GATA4: variants seen among roughly 807,000 people sequenced by gnomAD.
The protein encoded by GATA4 is transcription factor GATA-4.
In GATA4, 7 loss-of-function variants were observed where a neutral mutation model predicts 37.9. The ratio of observed to expected loss-of-function variants is 0.18; its 90% CI spans 0.11 to 0.35. The LOEUF is 0.35. GATA4 is among the 10% of genes least tolerant of loss of function. The pLI is 1.00. For synonymous variants in GATA4, 372 were observed against 292.6 expected (o/e 1.27, Z -2.77); for missense variants, 647 against 653.0 (o/e 0.99, Z 0.10).
rs1800058387 is a variant in GATA4, at chr8:11,709,367, T to G, written c.616+439T>G. On this transcript the variant is annotated intron_variant, in intron 2 of 6. Transcript: ENST00000532059. This position sits in a 1 kb window ranked among gnomAD's most constrained non-coding sequence, Gnocchi z 4.3. Reference sequence around the variant, plus strand: ...CCCTCGGGCCTCCGCAGGGAACTGATTACAATGGTTTGGACCGCAGACCTT... The same window carrying G: ...CCCTCGGGCCTCCGCAGGGAACTGAGTACAATGGTTTGGACCGCAGACCTT... Among the ~76,000 whole-genome samples the G allele has an allele frequency of 6.6e-6, 1 of 152,090 alleles. No homozygotes were observed. The highest frequency in any genetic ancestry group is 1.5e-5 in the Non-Finnish European group (1 of 68,008).
upstream of GATA4, among the ~76,000 whole-genome samples, chr8:11,699,604 G>A (rs570291986): frequency 6.6e-6 from 1 of 152,376 alleles, no homozygotes; most frequent in East Asian, 1.9e-4. Flanking sequence ...ACATGGCGGC[G>A]CCTGCGTGGC....
intron 2 of GATA4, among the ~76,000 whole-genome samples, chr8:11,725,277 G>T (rs981660778): frequency 1.3e-5 from 2 of 152,250 alleles, no homozygotes; most frequent in African/African-American, 2.4e-5. Flanking sequence ...TTTATTTGCT[G>T]GGTGGAGAAA....
Position 11,709,231 on chromosome 8 carries a change from T to G in GATA4, c.616+303T>G, listed in dbSNP as rs986068092. On this transcript the variant is annotated intron_variant, in intron 2 of 6. Coordinates refer to ENST00000532059, the MANE Select transcript of GATA4 (RefSeq NM_001308093.3). This position sits in a 1 kb window ranked among gnomAD's most constrained non-coding sequence, Gnocchi z 4.3. ...GACCGTGGCCGCGCTGCGCTGTGGG[T>G]GACGCGGGAGGACAGCGGGCTCCCT... Among the ~76,000 whole-genome samples the G allele has an allele frequency of 5.3e-5, 8 of 151,912 alleles. No homozygotes were observed. The highest frequency in any genetic ancestry group is 1.7e-4 in the African/African-American group (7 of 41,344).
At position 11,708,489 on chromosome 8, in the gene GATA4, G is replaced by A. The variant is rs1248717520; in HGVS notation, c.177G>A (p.Ala59=). 16 of 1,496,040 alleles carry A rather than the reference G, an allele frequency of 1.1e-5. No homozygotes were observed. The Admixed American group carries it at 1.3e-4, about 12-fold the overall frequency. The allele number at this position is 1,496,040 out of a possible 1,614,324, so 92.7% of individuals were successfully genotyped here. ...LGLSYLQGGG[A]GSASGGASGG... ...TGTCCTACCTCCAGGGCGGAGGCGC[G>A]GGCTCTGCGTCCGGAGGCGCCTCGG... is the stretch of plus-strand genomic sequence containing the variant. The change falls in exon 2 of 7, where the codon GCG becomes GCA. Residue 59 remains alanine, a synonymous_variant. Coordinates refer to ENST00000532059, the MANE Select transcript of GATA4 (RefSeq NM_001308093.3). The surrounding 1 kb of genome is among the most constrained non-coding windows in gnomAD (Gnocchi z 6.7).
At position 11,709,578 on chromosome 8, in the gene GATA4, G is replaced by GA. The variant is rs997593773; in HGVS notation, c.616+650_616+651insA. Reference sequence around the variant, plus strand: ...CGTGGGCGCATCATGCGGGCAGCGGGGGGGGGGGCGCACACGCCCGGTCAG... The same window carrying GA: ...CGTGGGCGCATCATGCGGGCAGCGGGAGGGGGGGGCGCACACGCCCGGTCAG... On this transcript the variant is annotated intron_variant, in intron 2 of 6. Coordinates refer to ENST00000532059, the MANE Select transcript of GATA4 (RefSeq NM_001308093.3). This position sits in a 1 kb window ranked among gnomAD's most constrained non-coding sequence, Gnocchi z 4.3. 3.5e-5 allele frequency among the ~76,000 whole-genome samples: 4 copies of GA among 115,392 alleles called. 1 individual carries two copies. The highest frequency in any genetic ancestry group is 6.7e-5 in the Non-Finnish European group (4 of 60,148). The allele number at this position is 115,392 out of a possible 152,430, so 75.7% of individuals were successfully genotyped here.
chr8:11,699,224 G>A (rs982421146), upstream of GATA4, among the ~76,000 whole-genome samples: 8 of 152,274 alleles, frequency 5.3e-5, no homozygotes, highest in Middle Eastern at 0.01. Flanking sequence ...TATAACTTCA[G>A]GGGGCATGGA....
At chr8:11,752,001 T>C (rs1802327317) in intron 4 of GATA4, among the ~76,000 whole-genome samples, 1 of 152,232 alleles carries the variant, frequency 6.6e-6, no homozygotes, top group African/African-American at 2.4e-5. Context: ...ATTGCTGCAT[T>C]GTTTGTGGTG....
chr8:11,728,100 C>T (rs999332419), intron 2 of GATA4, among the ~76,000 whole-genome samples: 7 of 152,150 alleles, frequency 4.6e-5, no homozygotes, highest in African/African-American at 1.4e-4. Context: ...AAGCGATTCT[C>T]CTGCCTCAGC....
Position 11,709,982 on chromosome 8 carries a change from C to A in GATA4, c.616+1054C>A, listed in dbSNP as rs1214259358. Among the ~76,000 whole-genome samples, 3 of 152,192 alleles carry A rather than the reference C, an allele frequency of 2.0e-5. No individual in the cohort carries two copies. Among genetic ancestry groups the A allele is most frequent in the South Asian group, 4.1e-4 (2 of 4,832 alleles). ...GGAGGGGAAGCCCAGGCTTGAGAAGCAAAGCTCGCGTTTATTGACCACCTA... is the reference window on the plus strand; with the variant it reads ...GGAGGGGAAGCCCAGGCTTGAGAAGAAAAGCTCGCGTTTATTGACCACCTA... On this transcript the variant is annotated intron_variant, in intron 2 of 6. Coordinates refer to ENST00000532059, the MANE Select transcript of GATA4 (RefSeq NM_001308093.3). This position sits in a 1 kb window ranked among gnomAD's most constrained non-coding sequence, Gnocchi z 4.3.
chr8:11,708,246 C>T lies in GATA4; in HGVS notation c.-67C>T. On this transcript the variant is annotated 5_prime_UTR_variant, in exon 2 of 7. Coordinates refer to ENST00000532059, the MANE Select transcript of GATA4 (RefSeq NM_001308093.3). The surrounding 1 kb of genome is among the most constrained non-coding windows in gnomAD (Gnocchi z 6.7). ...ATTATCGTTGTTGCCGTCGTTTTCT[C>T]TCCCCGCGTGGCTCCTTGACCTGCG... 1 of 1,525,574 alleles carries T rather than the reference C, an allele frequency of 6.6e-7. No individual in the cohort carries two copies. Among genetic ancestry groups the T allele is most frequent in the Non-Finnish European group, 8.8e-7 (1 of 1,136,818 alleles). 94.5% of individuals were successfully genotyped at this position (1,525,574 alleles called of 1,614,324 possible).
intron 2 of GATA4, among the ~76,000 whole-genome samples, chr8:11,723,279 C>G (rs1260491524): frequency 6.6e-6 from 1 of 151,932 alleles, no homozygotes; most frequent in African/African-American, 2.4e-5. Flanking sequence ...ATTGCTTGAC[C>G]TGGGAGTTCG....
intron 2 of GATA4, among the ~76,000 whole-genome samples, chr8:11,744,389 A>T (rs1801927599): frequency 6.6e-6 from 1 of 152,228 alleles, no homozygotes; most frequent in African/African-American, 2.4e-5. Flanking sequence ...AACGTGGGTG[A>T]TGCCTTCCAA....
chr8:11,728,449 G>A (rs745932429), intron 2 of GATA4, among the ~76,000 whole-genome samples: 20 of 152,204 alleles, frequency 1.3e-4, no homozygotes, highest in Non-Finnish European at 2.6e-4. Flanking sequence ...GCTCACTGCA[G>A]CCTTGAACTT....
At chr8:11,757,203 T>C (rs775813681) in intron 6 of GATA4, 120 bp downstream of exon 6, 37 of 1,418,606 alleles carry the variant, frequency 2.6e-5, no homozygotes, top group Non-Finnish European at 3.4e-5. Context: ...AGCAGTGAGC[T>C]ACCCTCTGCG....
At chr8:11,684,772 GT>G (rs1243741349) in intron 1 of GATA4, among the ~76,000 whole-genome samples, 4 of 152,144 alleles carry the variant, frequency 2.6e-5, no homozygotes, top group Non-Finnish European at 4.4e-5. Flanking sequence ...GGCTTTGTGT[GT>G]TTTGTTTCTT....
chr8:11,721,950 C>T (rs1379890530), intron 2 of GATA4, among the ~76,000 whole-genome samples: 1 of 152,150 alleles, frequency 6.6e-6, no homozygotes, highest in Non-Finnish European at 1.5e-5. Context: ...CTCATTTGAA[C>T]CTCTCTCACT....
chr8:11,756,678 G>T, intron 5 of GATA4: 1 of 561,414 alleles, frequency 1.8e-6, no homozygotes, highest in South Asian at 2.0e-5. Context: ...GAATCTTCAA[G>T]TTGAATGAGG....
chr8:11,711,116 A>G (rs930251739), intron 2 of GATA4, among the ~76,000 whole-genome samples: 1 of 152,238 alleles, frequency 6.6e-6, no homozygotes, highest in Non-Finnish European at 1.5e-5. Flanking sequence ...ACAAACAAAC[A>G]AAAAACCGAA....
At chr8:11,691,977 C>G (rs1799328258), upstream of GATA4, 2 of 981,882 alleles carry the variant, frequency 2.0e-6, no homozygotes, top group East Asian at 1.1e-4. Flanking sequence ...ACAATGTTGA[C>G]TTTCTCCTTT....
Sources: allele counts gnomAD v4.1 joint callset (sites outside exome capture counted in the v4.1 genomes callset), GRCh38; gene constraint gnomAD v4.1.1; non-coding constraint Gnocchi (gnomAD v3.1); transcripts MANE v1.5; gene names NCBI Gene and HGNC (gene_info 2026-07-23, HGNC 2026-07-21).